Variants in HIBCH observed in about 807,000 individuals in gnomAD.
The protein encoded by HIBCH is 3-hydroxyisobutyryl-CoA hydrolase.
HIBCH carries 50 observed loss-of-function variants against 58.2 expected under a neutral mutation model. The ratio of observed to expected loss-of-function variants is 0.86; its 90% CI spans 0.68 to 1.09. The LOEUF is 1.09. Ranked by LOEUF, HIBCH falls within the 50% of genes least tolerant of loss-of-function variation. The pLI, the probability that HIBCH is intolerant of heterozygous loss-of-function variation, is 0.00. For synonymous variants in HIBCH, 151 were observed against 146.9 expected, an observed-to-expected ratio of 1.03 and a Z score of -0.20; for missense variants, 450 against 449.7, an observed-to-expected ratio of 1.00 and a Z score of -0.01.
intron 10 of HIBCH, among the ~76,000 whole-genome samples, chr2:190,245,952 T>C (rs572782542): frequency 7.0e-6 from 1 of 143,136 alleles, no homozygotes; most frequent in African/African-American, 2.7e-5. Context: ...ATTGCACCAC[T>C]GCACTCCAGC....
At chr2:190,307,278 T>C (rs943504959) in intron 2 of HIBCH, among the ~76,000 whole-genome samples, 1 of 152,218 alleles carries the variant, frequency 6.6e-6, no homozygotes, top group Non-Finnish European at 1.5e-5. Context: ...TACTGAATAC[T>C]ACTTTCTAAA....
intron 7 of HIBCH, among the ~76,000 whole-genome samples, chr2:190,259,075 CTTAAGA>C (rs1687011160): frequency 1.3e-5 from 2 of 152,030 alleles, no homozygotes; most frequent in Non-Finnish European, 2.9e-5. Context: ...GTTCTTTTTG[CTTAAGA>C]TTATCTTGGC....
chr2:190,203,428 A>G (rs951670119), downstream of HIBCH: 9 of 166,818 alleles, frequency 5.4e-5, no homozygotes, highest in Non-Finnish European at 1.0e-4. Flanking sequence ...TTTTCCAAAT[A>G]TTTTTCTGAA....
chr2:190,277,522 C>G (rs1472146651), intron 6 of HIBCH, among the ~76,000 whole-genome samples: 2 of 152,132 alleles, frequency 1.3e-5, no homozygotes. Context: ...GCCTTTTAAG[C>G]CCTGTTAGCT....
intron 9 of HIBCH, among the ~76,000 whole-genome samples, chr2:190,249,185 T>A (rs1236530041): frequency 6.6e-6 from 1 of 152,254 alleles, no homozygotes; most frequent in Non-Finnish European, 1.5e-5. Flanking sequence ...TTCAATCATG[T>A]TTAACTAGAA....
At position 190,281,209 on chromosome 2, in the gene HIBCH, G is replaced by A. The variant is rs1687696376; in HGVS notation, c.438+6377C>T. On this transcript the variant is annotated intron_variant, in intron 6 of 13. Coordinates refer to ENST00000359678, the MANE Select transcript of HIBCH (RefSeq NM_014362.4). The surrounding 1 kb of genome is among the most constrained non-coding windows in gnomAD (Gnocchi z 5.4). ...TGCAACAAAGCTCTGCCTGACACCA[G>A]ACTGTCTAATATATCCTTTGAAATC... The A allele has an allele frequency of 6.6e-6, 1 of 152,336 alleles. No individual in the cohort carries two copies. The highest frequency in any genetic ancestry group is 1.5e-5 in the Non-Finnish European group (1 of 68,158). 9.4% of individuals were successfully genotyped at this position (152,336 alleles called of 1,614,324 possible).
chr2:190,238,691 C>T (rs1686357141), intron 11 of HIBCH, among the ~76,000 whole-genome samples: 1 of 152,242 alleles, frequency 6.6e-6, no homozygotes. Flanking sequence ...TCCTGAACTC[C>T]TGACCTCGTG....
rs1428874336 is a variant in HIBCH, at chr2:190,306,246, G to GCAT, written c.78+4505_78+4507dup. 6.6e-6 allele frequency among the ~76,000 whole-genome samples: 1 copy of GCAT among 152,090 alleles called. No homozygotes were observed. The highest frequency in any genetic ancestry group is 1.5e-5 in the Non-Finnish European group (1 of 68,026). Reference sequence around the variant, plus strand: ...TTTAGCCGCTGAGGGATGCAATCTGGCATAAGCGCTGGAAATTTCTCTGTA... The same window carrying GCAT: ...TTTAGCCGCTGAGGGATGCAATCTGGCATCATAAGCGCTGGAAATTTCTCTGTA... On this transcript the variant is annotated intron_variant, in intron 2 of 13. Transcript: ENST00000359678. This position sits in a 1 kb window ranked among gnomAD's most constrained non-coding sequence, Gnocchi z 4.6.
Position 190,217,799 on chromosome 2 carries a change from C to A in HIBCH, c.892-4724G>T, listed in dbSNP as rs117185519. On this transcript the variant is annotated intron_variant, in intron 11 of 13. Coordinates refer to ENST00000359678, the MANE Select transcript of HIBCH (RefSeq NM_014362.4). The surrounding 1 kb of genome is among the most constrained non-coding windows in gnomAD (Gnocchi z 4.6). ...AAAACAGCCACATAAACAGCTGAAC[C>A]GGGGTGAGCACATTACACTCGGGTC... Among the ~76,000 whole-genome samples the A allele has an allele frequency of 1.3e-5, 2 of 152,058 alleles. No homozygotes were observed. The highest frequency in any genetic ancestry group is 2.9e-5 in the Non-Finnish European group (2 of 68,014).
At chr2:190,245,032 G>A in intron 10 of HIBCH, 64 bp from the exon 11 acceptor site, 1 of 1,013,916 alleles carries the variant, frequency 9.9e-7, no homozygotes, top group South Asian at 1.3e-5. Flanking sequence ...AACATACGAT[G>A]AATCTGAACA....
Position 190,306,658 on chromosome 2 carries a change from G to A in HIBCH, c.78+4096C>T, listed in dbSNP as rs1165658166. Among the ~76,000 whole-genome samples the A allele has an allele frequency of 6.6e-6, 1 of 152,174 alleles. No individual in the cohort carries two copies. Among genetic ancestry groups the A allele is most frequent in the African/African-American group, 2.4e-5 (1 of 41,432 alleles). On this transcript the variant is annotated intron_variant, in intron 2 of 13. Coordinates refer to ENST00000359678, the MANE Select transcript of HIBCH (RefSeq NM_014362.4). The surrounding 1 kb of genome is among the most constrained non-coding windows in gnomAD (Gnocchi z 4.6). Reference sequence around the variant, plus strand: ...ATTCTATTTTTTCTAATCCAAGAGTGTCACGTCTTCTGCTAGCACCCATGA... The same window carrying A: ...ATTCTATTTTTTCTAATCCAAGAGTATCACGTCTTCTGCTAGCACCCATGA...
intron 6 of HIBCH, among the ~76,000 whole-genome samples, chr2:190,285,796 A>G (rs1248029561): frequency 6.6e-6 from 1 of 152,092 alleles, no homozygotes; most frequent in Non-Finnish European, 1.5e-5. Flanking sequence ...TCTGTGGGAC[A>G]GCTGGCCGTA....
chr2:190,200,348 A>G (rs1405167076), downstream of HIBCH: 2 of 558,602 alleles, frequency 3.6e-6, no homozygotes, highest in Non-Finnish European at 6.5e-6. Context: ...TTAGTCTTAG[A>G]TTTTAGTCAT....
chr2:190,262,437 A>C (rs1446631775), intron 6 of HIBCH, among the ~76,000 whole-genome samples: 2 of 152,170 alleles, frequency 1.3e-5, no homozygotes, highest in Admixed American at 6.5e-5. Flanking sequence ...TCTCTTCACC[A>C]CATTTTCAGT....
At chr2:190,257,021 A>T (rs1386887978) in intron 7 of HIBCH, among the ~76,000 whole-genome samples, 1 of 152,226 alleles carries the variant, frequency 6.6e-6, no homozygotes, top group Admixed American at 6.5e-5. Flanking sequence ...TGGGTGGAAA[A>T]AAAGTATTTG....
chr2:190,205,168 T>A lies in HIBCH; in HGVS notation c.1110A>T (p.Glu370Asp). 6.2e-7 allele frequency: 1 copy of A among 1,611,338 alleles called. No homozygotes were observed. The highest frequency in any genetic ancestry group is 8.5e-7 in the Non-Finnish European group (1 of 1,178,202). ...KPADLKEVTE[E>D]DLNNHFKSLG... ...AAGACTTAAAGTGATTATTCAAATC[T>A]TCCTCAGTAACTTCTTTTAGATCAG... Residue 370 changes from glutamate to aspartate, a missense_variant, in exon 14 of 14, where the codon GAA becomes GAT. Glu to Asp is a conservative substitution (Grantham distance 45). Coordinates refer to ENST00000359678, the MANE Select transcript of HIBCH (RefSeq NM_014362.4).
chr2:190,312,078 C>T (rs913039145), intron 1 of HIBCH, among the ~76,000 whole-genome samples: 1 of 152,074 alleles, frequency 6.6e-6, no homozygotes, highest in Non-Finnish European at 1.5e-5. Flanking sequence ...ACTCAAGTGC[C>T]TTATGTAAAT....
intron 8 of HIBCH, chr2:190,251,465 C>T: frequency 9.8e-6 from 4 of 406,616 alleles, no homozygotes; most frequent in South Asian, 5.7e-5. Flanking sequence ...AAGTCTCTTG[C>T]TGGGAATTCT....
rs3213841 is a variant in HIBCH at position 190,213,010 on chromosome 2, T to C, written c.957A>G (p.Ser319=). 4.0e-4 allele frequency: 650 copies of C among 1,609,964 alleles called. 3 individuals carry two copies. The East Asian group carries it at 0.012, about 31-fold the overall frequency. Residue 319 remains serine (S), a synonymous_variant, in exon 12 of 14, where the codon TCA becomes TCG. Transcript: ENST00000359678. ...TAGTTAGTACTTCTTGCAAGGTCTT[T>C]GAAGACCCCTCCATGAGTTGCCTTA... ...ITLRQLMEGS[S]KTLQEVLTME... is the part of the protein sequence containing the mutation.
Sources: allele counts gnomAD v4.1 joint callset (sites outside exome capture counted in the v4.1 genomes callset), GRCh38; gene constraint gnomAD v4.1.1; non-coding constraint Gnocchi (gnomAD v3.1); transcripts MANE v1.5; gene names NCBI Gene and HGNC (gene_info 2026-07-23, HGNC 2026-07-21).